EPHX3: variants seen among roughly 807,000 people sequenced by gnomAD.
EPHX3 encodes epoxide hydrolase 3.
Under a neutral mutation model 40.2 loss-of-function variants are expected in EPHX3, and 39 were observed. The ratio of observed to expected loss-of-function variants is 0.97; its 90% CI spans 0.75 to 1.27. The LOEUF (loss-of-function observed/expected upper bound fraction) is 1.27. Among genes scored for constraint, EPHX3 ranks in the 50% most tolerant of loss-of-function variants. The probability of loss-of-function intolerance (pLI) is 0.00; values close to 1 mark genes in which losing one functional copy is unlikely to be tolerated. For missense variants in EPHX3, 442 were observed against 474.0 expected (o/e 0.93, Z 0.63); for synonymous variants, 213 against 209.7 (o/e 1.02, Z -0.14).
chr19:15,230,182 T>C (rs947965341), intron 4 of EPHX3, among the ~76,000 whole-genome samples: 3 of 152,080 alleles, frequency 2.0e-5, no homozygotes, highest in African/African-American at 7.2e-5. Context: ...TTTTATTTTA[T>C]TTTTGAGACA....
chr19:15,231,620 G>A (rs1347176468), intron 2 of EPHX3, among the ~76,000 whole-genome samples, 156 bp downstream of exon 2: 2 of 152,198 alleles, frequency 1.3e-5, no homozygotes, highest in African/African-American at 4.8e-5. Context: ...TGTCCCTTCA[G>A]GGCCTAGGGA....
In EPHX3 at chr19:15,227,376, G is replaced by C. The variant is rs1157938225; in HGVS notation, c.*61C>G. The stretch of plus-strand genomic sequence containing the variant: ...TTGTATGGACTCCCAGGCACACACA[G>C]ATAATGGGTGTGTGTTCCTTCCTGA... On this transcript the variant is annotated 3_prime_UTR_variant, in exon 7 of 7. Coordinates refer to ENST00000221730, the MANE Select transcript of EPHX3 (RefSeq NM_024794.3). 12 of 1,355,060 alleles carry C rather than the reference G, an allele frequency of 8.9e-6. No homozygotes were observed. The highest frequency in any genetic ancestry group is 1.3e-5 in the Non-Finnish European group (12 of 947,688). The allele number at this position is 1,355,060 out of a possible 1,614,324, so 83.9% of individuals were successfully genotyped here.
At chr19:15,227,957 G>T (rs377436780) in intron 5 of EPHX3, 40 bp downstream of exon 5, 19 of 1,614,000 alleles carry the variant, frequency 1.2e-5, no homozygotes, top group Non-Finnish European at 1.5e-5. Context: ...GCCCAGCCCC[G>T]ACCTGCTTCC....
upstream of EPHX3, chr19:15,236,800 C>T (rs2047195071): frequency 2.2e-5 from 4 of 178,990 alleles, no homozygotes; most frequent in South Asian, 4.0e-4. Flanking sequence ...GCCTAGGCAA[C>T]AGTTGGTTCA....
chr19:15,232,159 T>G lies in EPHX3; in HGVS notation c.53A>C (p.Lys18Thr). The change falls in exon 1 of 7, where the codon AAG becomes ACG. Residue 18 changes from lysine (K) to threonine (T), a missense_variant. Physicochemically the swap from Lys to Thr is moderately conservative, Grantham distance 78. Transcript: ENST00000221730. ...ALLAPSRLSL[K>T]LLRAFMWSLV... Reference sequence around the variant, plus strand: ...GCTCCACATGAAGGCGCGCAGCAGCTTCAGCGACAGGCGCGACGGCGCCAG... The same window carrying G: ...GCTCCACATGAAGGCGCGCAGCAGCGTCAGCGACAGGCGCGACGGCGCCAG... 6 of 1,526,488 alleles carry G rather than the reference T, an allele frequency of 3.9e-6. No homozygotes were observed. Among genetic ancestry groups the G allele is most frequent in the Non-Finnish European group, 3.5e-6 (4 of 1,144,808 alleles). The allele number at this position is 1,526,488 out of a possible 1,614,324, so 94.6% of individuals were successfully genotyped here. A position where few individuals can be genotyped will look rare whatever the true frequency, so the allele number is the denominator to read the frequency against.
In EPHX3 at chr19:15,231,666, C is replaced by G; in HGVS notation, c.329+110G>C. 9.2e-6 allele frequency: 11 copies of G among 1,197,522 alleles called. No homozygotes were observed. In the South Asian group the frequency reaches 1.4e-4, roughly 15 times the overall value. The allele number at this position is 1,197,522 out of a possible 1,614,324, so 74.2% of individuals were successfully genotyped here. ...GCTGGCTCAGTACCCCTATCCCCAT[C>G]TATGTTCAGCTTGTCCCGATCTATA... On this transcript the variant is annotated intron_variant, in intron 2 of 6. Coordinates refer to ENST00000221730, the MANE Select transcript of EPHX3 (RefSeq NM_024794.3).
chr19:15,235,387 A>C (rs1395215702), upstream of EPHX3: 1 of 151,972 alleles, frequency 6.6e-6, no homozygotes, highest in Non-Finnish European at 1.5e-5. Flanking sequence ...GACTCCGCTA[A>C]TCTGGACGCA....
Position 15,231,997 on chromosome 19 carries a change from A to T in EPHX3, c.215T>A (p.Leu72Gln). ...ASPACLSDPS[L>Q]GEHGFLNLKS... The stretch of plus-strand genomic sequence containing the variant: ...GAGGTTCAGGAAACCGTGCTCACCC[A>T]GCGAGGGGTCGCTCAGGCAGGCGGG... The change falls in exon 1 of 7, where the codon CTG becomes CAG. Residue 72 changes from leucine to glutamine, a missense_variant. Transcript: ENST00000221730. 2 of 1,608,876 alleles carry T rather than the reference A, an allele frequency of 1.2e-6. No individual in the cohort carries two copies. The highest frequency in any genetic ancestry group is 1.7e-6 in the Non-Finnish European group (2 of 1,179,486).
At chr19:15,236,938 C>T (rs1291384781), upstream of EPHX3, 1 of 205,052 alleles carries the variant, frequency 4.9e-6, no homozygotes, top group Non-Finnish European at 9.9e-6. Context: ...GTTTGGCCAA[C>T]ACTGAGGCAC....
rs768131182 is a variant in EPHX3 at position 15,227,476 on chromosome 19, G to T, written c.1044C>A (p.His348Gln). 6.2e-6 allele frequency: 10 copies of T among 1,614,186 alleles called. No individual in the cohort carries two copies. The highest frequency in any genetic ancestry group is 1.1e-5 in the South Asian group (1 of 91,086). The part of the protein sequence containing the change: ...WIPQSNPQEM[H>Q]QYMWAFLQDL... ...CTTGCAAGAAGGCCCACATGTACTG[G>T]TGCATCTCCTGGGGGTTGCTCTGTG... The change falls in exon 7 of 7, where the codon CAC (histidine) becomes CAA (glutamine). Residue 348 changes from histidine (H) to glutamine (Q), a missense_variant. Transcript: ENST00000221730.
upstream of EPHX3, chr19:15,232,530 G>A: frequency 1.1e-6 from 1 of 890,868 alleles, no homozygotes; most frequent in Non-Finnish European, 1.5e-6. Context: ...GCGGGGCTTA[G>A]GGCCGGGGCG....
At chr19:15,227,720 C>T in intron 6 of EPHX3, 51 bp downstream of exon 6, 1 of 1,606,670 alleles carries the variant, frequency 6.2e-7, no homozygotes, top group Non-Finnish European at 8.5e-7. Flanking sequence ...TTGCCTCCCA[C>T]CCCCCTGCCC....
In EPHX3 at chr19:15,227,412, C is replaced by T. The variant is rs913867962; in HGVS notation, c.*25G>A. 5.6e-6 allele frequency: 9 copies of T among 1,595,538 alleles called. No homozygotes were observed. The highest frequency in any genetic ancestry group is 2.2e-5 in the South Asian group (2 of 90,690). On this transcript the variant is annotated 3_prime_UTR_variant, in exon 7 of 7. Transcript: ENST00000221730. The stretch of plus-strand genomic sequence containing the variant: ...TGTGTTCCTTCCTGAGTATCCATGC[C>T]TCCTGGGCAGGCCAGCAAGGACCAC...
chr19:15,228,011 T>C lies in EPHX3; in HGVS notation c.706A>G (p.Met236Val), dbSNP rs1203591171. The C allele has an allele frequency of 1.2e-6, 2 of 1,612,446 alleles. No individual in the cohort carries two copies. The highest frequency in any genetic ancestry group is 2.2e-5 in the South Asian group (2 of 91,048). The change falls in exon 5 of 7, where the codon ATG becomes GTG. Residue 236 changes from methionine (M) to valine (V), a missense_variant. Transcript: ENST00000221730. Reference protein sequence around the residue: ...LPWLPEKLLSMSDFQILKTTL... With the variant: ...LPWLPEKLLSVSDFQILKTTL... ...ACCCTCTGTACCTGAAAGTCAGACA[T>C]AGACAGCAGCTTCTCGGGCAGCCAG...
Position 15,227,853 on chromosome 19 carries a change from T to TG in EPHX3, c.774dup (p.Ser259GlnfsTer9). Reference sequence around the variant, plus strand: ...TTATAAAGGAAGGCCTCGAGCTCGCTGGGGGTCAAGCATGGGATGCCTGTC... The same window carrying TG: ...TTATAAAGGAAGGCCTCGAGCTCGCTGGGGGGTCAAGCATGGGATGCCTGTC... On this transcript the variant is annotated frameshift_variant, in exon 6 of 7. Coordinates refer to ENST00000221730, the MANE Select transcript of EPHX3 (RefSeq NM_024794.3). LOFTEE classifies it high-confidence loss of function. 1.2e-6 allele frequency: 2 copies of TG among 1,613,974 alleles called. No individual in the cohort carries two copies. Among genetic ancestry groups the TG allele is most frequent in the Non-Finnish European group, 1.7e-6 (2 of 1,179,982 alleles).
Position 15,228,106 on chromosome 19 carries a change from G to A in EPHX3, c.617-6C>T. On this transcript the variant is annotated splice_polypyrimidine_tract_variant and splice_region_variant and intron_variant, in intron 4 of 6. Coordinates refer to ENST00000221730, the MANE Select transcript of EPHX3 (RefSeq NM_024794.3). ...GATGTGGTGCAGGGAATAGTCTGGGGTGGGAGGGTTGGGGGAGAGATATAA... is the reference window on the plus strand; with the variant it reads ...GATGTGGTGCAGGGAATAGTCTGGGATGGGAGGGTTGGGGGAGAGATATAA... 1.3e-6 allele frequency: 2 copies of A among 1,522,348 alleles called. No homozygotes were observed. The highest frequency in any genetic ancestry group is 1.8e-6 in the Non-Finnish European group (2 of 1,101,626). The allele number at this position is 1,522,348 out of a possible 1,614,324, so 94.3% of individuals were successfully genotyped here.
chr19:15,231,660 C>T (rs1416741495), intron 2 of EPHX3, 116 bp downstream of exon 2: 4 of 1,146,022 alleles, frequency 3.5e-6, no homozygotes, highest in African/African-American at 1.5e-5. Context: ...GTACCCCTAT[C>T]CCCATCTATG....
rs757237947 is a variant in EPHX3 at position 15,227,816 on chromosome 19, G to C, written c.812C>G (p.Pro271Arg). ...LEAFLYNFSQ[P>R]GGLTGPLNYY... The stretch of plus-strand genomic sequence containing the variant: ...GTTGAGGGGCCCAGTGAGGCCACCA[G>C]GCTGTGAGAAGTTATAAAGGAAGGC... The change falls in exon 6 of 7, where the codon CCT becomes CGT. Residue 271 changes from proline (P) to arginine (R), a missense_variant. Pro to Arg is a moderately radical substitution (Grantham distance 103). Coordinates refer to ENST00000221730, the MANE Select transcript of EPHX3 (RefSeq NM_024794.3). The C allele has an allele frequency of 4.3e-6, 7 of 1,613,920 alleles. No individual in the cohort carries two copies. The East Asian group carries it at 1.6e-4, about 36-fold the overall frequency.
rs2047160731 is a variant in EPHX3, at chr19:15,232,158, C to T, written c.54G>A (p.Lys18=). 6.5e-6 allele frequency: 10 copies of T among 1,528,388 alleles called. No homozygotes were observed. The highest frequency in any genetic ancestry group is 1.2e-5 in the South Asian group (1 of 83,368). 94.7% of individuals were successfully genotyped at this position (1,528,388 alleles called of 1,614,324 possible). A position where few individuals can be genotyped will look rare whatever the true frequency, so the allele number is the denominator to read the frequency against. Residue 18 remains lysine (K), a synonymous_variant, in exon 1 of 7, where the codon AAG becomes AAA. Coordinates refer to ENST00000221730, the MANE Select transcript of EPHX3 (RefSeq NM_024794.3). The part of the protein sequence containing the change: ...ALLAPSRLSL[K]LLRAFMWSLV... ...GGCTCCACATGAAGGCGCGCAGCAG[C>T]TTCAGCGACAGGCGCGACGGCGCCA...
Sources: gnomAD v4.1 joint callset for allele counts (sites outside exome capture counted in the v4.1 genomes callset) on GRCh38, gnomAD v4.1.1 for gene constraint, MANE v1.5 for transcripts, NCBI Gene and HGNC (gene_info 2026-07-23, HGNC 2026-07-21) for gene names.